Variants in TSPAN14 observed in about 807,000 individuals in gnomAD.
TSPAN14 encodes the protein tetraspanin 14, also known as tetraspanin-14.
In TSPAN14, 16 loss-of-function variants were observed where a neutral mutation model predicts 36.6. The observed-to-expected ratio is 0.44, with a 90% CI of 0.30 to 0.66. TSPAN14 has a LOEUF of 0.66. TSPAN14 is among the 30% of genes least tolerant of loss of function. The probability of loss-of-function intolerance (pLI) is 0.12; values close to 1 mark genes in which losing one functional copy is unlikely to be tolerated. For synonymous variants in TSPAN14, 139 were observed against 143.8 expected, an observed-to-expected ratio of 0.97 and a Z score of 0.24; for missense variants, 231 against 355.1, an observed-to-expected ratio of 0.65 and a Z score of 2.81.
intron 4 of TSPAN14, among the ~76,000 whole-genome samples, chr10:80,507,881 C>T (rs75328701): frequency 6.6e-6 from 1 of 152,126 alleles, no homozygotes; most frequent in African/African-American, 2.4e-5. Flanking sequence ...AGTTAAATAA[C>T]ACCTGGTGGG....
chr10:80,468,558 T>G (rs962381069), intron 1 of TSPAN14: 1 of 152,136 alleles, frequency 6.6e-6, no homozygotes, highest in African/African-American at 2.4e-5. Flanking sequence ...GTTACATCCT[T>G]ACTATTCAAA....
At position 80,520,742 on chromosome 10, in the gene TSPAN14, C is replaced by A. The variant is rs200916065; in HGVS notation, c.*2766C>A. ...CTTCTTATCTGGGCTGTCTGTACCC[C>A]TTCCTTTGCACCACCCACCATGCCC... On this transcript the variant is annotated 3_prime_UTR_variant, in exon 9 of 9. Transcript: ENST00000429989. 217 of 533,514 alleles carry A rather than the reference C, an allele frequency of 4.1e-4. 5 individuals are homozygous for A. Among genetic ancestry groups the A allele is most frequent in the South Asian group, 2.9e-3 (210 of 71,590 alleles). 33.0% of individuals were successfully genotyped at this position (533,514 alleles called of 1,614,324 possible).
rs879329685 is a variant in TSPAN14, at chr10:80,509,119, C to T, written c.280-182C>T. Among the ~76,000 whole-genome samples, 2 of 152,132 alleles carry T rather than the reference C, an allele frequency of 1.3e-5. No individual in the cohort carries two copies. The highest frequency in any genetic ancestry group is 2.9e-5 in the Non-Finnish European group (2 of 68,016). On this transcript the variant is annotated intron_variant, in intron 4 of 8. Coordinates refer to ENST00000429989, the Ensembl canonical transcript of TSPAN14. The surrounding 1 kb of genome is among the most constrained non-coding windows in gnomAD (Gnocchi z 4.7). ...AAATAGCCCCTTTTTACAGATGAAGCGAAGTTGTGCAGAGTCACCCAGCTA... is the reference window on the plus strand; with the variant it reads ...AAATAGCCCCTTTTTACAGATGAAGTGAAGTTGTGCAGAGTCACCCAGCTA...
In TSPAN14 at chr10:80,454,384, C is replaced by T. The variant is rs1454778647; in HGVS notation, c.-18+13C>T. 1.3e-5 allele frequency: 2 copies of T among 152,510 alleles called. No individual in the cohort carries two copies. The highest frequency in any genetic ancestry group is 6.6e-5 in the Admixed American group (1 of 15,244). The allele number at this position is 152,510 out of a possible 1,614,324, so 9.4% of individuals were successfully genotyped here. ...CCGCCGCGCGCGGGTGAGTAGAGCG[C>T]GGAGACCTGGCTGGGGCGTCGGGCC... On this transcript the variant is annotated intron_variant, in intron 1 of 8. Transcript: ENST00000429989.
At chr10:80,500,852 G>A (rs1003969234) in intron 2 of TSPAN14, among the ~76,000 whole-genome samples, 5 of 152,218 alleles carry the variant, frequency 3.3e-5, no homozygotes, top group African/African-American at 9.6e-5. Flanking sequence ...GGGGCGATTG[G>A]AACAGAGGTG....
At chr10:80,477,305 A>G (rs1264729154) in intron 1 of TSPAN14, among the ~76,000 whole-genome samples, 1 of 152,218 alleles carries the variant, frequency 6.6e-6, no homozygotes, top group African/African-American at 2.4e-5. Context: ...AATGGACTAT[A>G]CTTCCTGATT....
At chr10:80,480,387 C>G (rs567313313) in intron 1 of TSPAN14, among the ~76,000 whole-genome samples, 1 of 152,284 alleles carries the variant, frequency 6.6e-6, no homozygotes, top group South Asian at 2.1e-4. Flanking sequence ...CCTCAGAGAT[C>G]TAGAACTAGA....
rs1385789463 is a variant in TSPAN14, at chr10:80,500,685, T to C, written c.82-4043T>C. On this transcript the variant is annotated intron_variant, in intron 2 of 8. Coordinates refer to ENST00000429989, the Ensembl canonical transcript of TSPAN14. ...TTCTTAGAGCTGAGAGAAAGAGAACTGCACGCAGTGGTGGGGAGCTGGCTT... is the reference window on the plus strand; with the variant it reads ...TTCTTAGAGCTGAGAGAAAGAGAACCGCACGCAGTGGTGGGGAGCTGGCTT... Among the ~76,000 whole-genome samples, 5 of 152,240 alleles carry C rather than the reference T, an allele frequency of 3.3e-5. 1 individual carries two copies. The highest frequency in any genetic ancestry group is 3.3e-4 in the Admixed American group (5 of 15,286).
intron 8 of TSPAN14, among the ~76,000 whole-genome samples, chr10:80,517,066 C>T (rs1229089191): frequency 3.9e-5 from 6 of 152,172 alleles, no homozygotes; most frequent in Non-Finnish European, 8.8e-5. Flanking sequence ...CAAGAAGCCG[C>T]AGCTTCTGGG....
At chr10:80,482,363 T>C (rs1235481322) in intron 1 of TSPAN14, among the ~76,000 whole-genome samples, 1 of 152,024 alleles carries the variant, frequency 6.6e-6, no homozygotes, top group Admixed American at 6.5e-5. Context: ...CTCAGCTCAC[T>C]GCAACCTCTG....
At chr10:80,459,700 G>A (rs1845884789) in intron 1 of TSPAN14, among the ~76,000 whole-genome samples, 1 of 152,210 alleles carries the variant, frequency 6.6e-6, no homozygotes, top group South Asian at 2.1e-4. Flanking sequence ...ACACTGCACG[G>A]CCTTGAGAGG....
At chr10:80,478,407 C>T (rs1360840507) in intron 1 of TSPAN14, among the ~76,000 whole-genome samples, 3 of 151,874 alleles carry the variant, frequency 2.0e-5, no homozygotes, top group Non-Finnish European at 2.9e-5. Context: ...AGGAGCTAAC[C>T]GAAAGGGAAA....
intron 1 of TSPAN14, among the ~76,000 whole-genome samples, chr10:80,477,589 G>A (rs1016106535): frequency 6.6e-6 from 1 of 152,080 alleles, no homozygotes; most frequent in Admixed American, 6.5e-5. Context: ...ATTTTTTTGT[G>A]GGGGGAGGGG....
At chr10:80,507,186 C>G in intron 3 of TSPAN14, 42 bp from the exon 4 acceptor site, 1 of 1,613,208 alleles carries the variant, frequency 6.2e-7, no homozygotes, top group Non-Finnish European at 8.5e-7. Flanking sequence ...CCTTGACTCC[C>G]CTTCTGGGCC....
rs539820751 is a variant in TSPAN14, at chr10:80,475,923, A to G, written c.-17-13294A>G. On this transcript the variant is annotated intron_variant, in intron 1 of 8. Coordinates refer to ENST00000429989, the Ensembl canonical transcript of TSPAN14. The stretch of plus-strand genomic sequence containing the variant: ...TATACAGTCATCCCTCCACTGTCCA[A>G]GGGGGTTTGGTTCCAGGACATACCC... 6.6e-5 allele frequency among the ~76,000 whole-genome samples: 10 copies of G among 152,246 alleles called. No individual in the cohort carries two copies. The East Asian group carries it at 1.7e-3, about 26-fold the overall frequency.
chr10:80,471,239 C>G (rs1469065661), intron 1 of TSPAN14, among the ~76,000 whole-genome samples: 1 of 152,088 alleles, frequency 6.6e-6, no homozygotes, highest in Non-Finnish European at 1.5e-5. Context: ...CATGTAGAAA[C>G]AAGTCTTTAG....
At chr10:80,486,096 T>C (rs551678200) in intron 1 of TSPAN14, among the ~76,000 whole-genome samples, 3 of 152,194 alleles carry the variant, frequency 2.0e-5, no homozygotes, top group Non-Finnish European at 4.4e-5. Flanking sequence ...GCTTGGAGTT[T>C]AGGACGTGGC....
intron 1 of TSPAN14, among the ~76,000 whole-genome samples, chr10:80,477,972 A>G (rs1847017375): frequency 6.6e-6 from 1 of 152,200 alleles, no homozygotes; most frequent in South Asian, 2.1e-4. Context: ...AGATCATCCT[A>G]GACAGAAACT....
At chr10:80,504,592 G>T (rs1026464352) in intron 2 of TSPAN14, 136 bp from the exon 3 acceptor site, 9 of 940,814 alleles carry the variant, frequency 9.6e-6, no homozygotes, top group Non-Finnish European at 1.5e-5. Flanking sequence ...TCTGTCATCT[G>T]CGGGGCCTGA....
Sources: gnomAD v4.1 joint callset for allele counts (sites outside exome capture counted in the v4.1 genomes callset) on GRCh38, gnomAD v4.1.1 for gene constraint, Gnocchi (gnomAD v3.1) non-coding constraint, MANE v1.5 for transcripts, NCBI Gene and HGNC (gene_info 2026-07-23, HGNC 2026-07-21) for gene names.